The following GAS2 variants were observed in gnomAD, a reference collection of about 807,000 sequenced individuals.
GAS2 encodes the protein growth arrest-specific protein 2.
In GAS2, 20 loss-of-function variants were observed where a neutral mutation model predicts 37.5. The observed-to-expected ratio is 0.53, with a 90% CI of 0.37 to 0.77. GAS2 has a LOEUF of 0.77. Among genes scored for constraint, GAS2 ranks in the 30% least tolerant of loss-of-function variants. The pLI, the probability that GAS2 is intolerant of heterozygous loss-of-function variation, is 0.00. For synonymous variants in GAS2, 144 were observed against 132.2 expected, an observed-to-expected ratio of 1.09 and a Z score of -0.61; for missense variants, 336 against 373.4, an observed-to-expected ratio of 0.90 and a Z score of 0.82.
chr11:22,698,411 T>A (rs1469292077), intron 3 of GAS2, among the ~76,000 whole-genome samples: 2 of 151,894 alleles, frequency 1.3e-5, no homozygotes, highest in African/African-American at 4.8e-5. Context: ...CAGGACCAGA[T>A]GGATTCACAG....
chr11:22,691,542 C>T (rs901161284), intron 3 of GAS2, among the ~76,000 whole-genome samples: 1 of 152,126 alleles, frequency 6.6e-6, no homozygotes, highest in African/African-American at 2.4e-5. Flanking sequence ...TGTGATTAAT[C>T]TGGAGTCATT....
intron 7 of GAS2, among the ~76,000 whole-genome samples, chr11:22,771,003 TG>T (rs1274577461): frequency 3.9e-5 from 6 of 152,138 alleles, no homozygotes; most frequent in Non-Finnish European, 8.8e-5. Context: ...AGATAATTAG[TG>T]GGCAAATCTC....
chr11:22,634,781 G>A (rs1035775501), intron 1 of GAS2, among the ~76,000 whole-genome samples: 3 of 152,102 alleles, frequency 2.0e-5, no homozygotes, highest in East Asian at 1.9e-4. Context: ...GTTCTGATGG[G>A]GGTGGCAGGG....
At chr11:22,707,080 G>A (rs1367058199) in intron 3 of GAS2, among the ~76,000 whole-genome samples, 2 of 152,136 alleles carry the variant, frequency 1.3e-5, no homozygotes, top group African/African-American at 4.8e-5. Flanking sequence ...TTTCTCTGAT[G>A]GTTTTGAGAT....
At chr11:22,733,602 G>A (rs989464018) in intron 4 of GAS2, among the ~76,000 whole-genome samples, 1 of 151,552 alleles carries the variant, frequency 6.6e-6, no homozygotes, top group Admixed American at 6.6e-5. Context: ...TTGCTTTAGT[G>A]GAAAGCCTCA....
chr11:22,691,399 A>G (rs1043911418), intron 3 of GAS2, among the ~76,000 whole-genome samples: 4 of 152,214 alleles, frequency 2.6e-5, no homozygotes, highest in Non-Finnish European at 5.9e-5. Flanking sequence ...CTTTTTGTTT[A>G]GAGAACATCT....
At chr11:22,785,097 G>A (rs763651546) in intron 7 of GAS2, among the ~76,000 whole-genome samples, 1 of 152,230 alleles carries the variant, frequency 6.6e-6, no homozygotes, top group Admixed American at 6.5e-5. Context: ...GCCAAGAACA[G>A]CTTGCTTGGT....
chr11:22,771,655 C>G (rs1246003587), intron 7 of GAS2, among the ~76,000 whole-genome samples: 4 of 152,130 alleles, frequency 2.6e-5, no homozygotes, highest in African/African-American at 9.7e-5. Context: ...TTACTTAAGT[C>G]TTGTCTGTTA....
At chr11:22,799,452 ATTTGTTTCTTCTCT>A (rs1217509320) in intron 7 of GAS2, among the ~76,000 whole-genome samples, 3 of 152,018 alleles carry the variant, frequency 2.0e-5, no homozygotes, top group Non-Finnish European at 4.4e-5. Context: ...CTGTCATGAT[ATTTGTTTCTTCTCT>A]TTTTGCTTCC....
intron 3 of GAS2, among the ~76,000 whole-genome samples, chr11:22,697,156 A>G (rs1165868464): frequency 1.3e-5 from 2 of 152,214 alleles, no homozygotes; most frequent in Non-Finnish European, 2.9e-5. Context: ...TTAGCTTTCT[A>G]CATATGGCTA....
intron 7 of GAS2, among the ~76,000 whole-genome samples, chr11:22,777,172 G>A (rs942619065): frequency 1.3e-5 from 2 of 152,174 alleles, no homozygotes; most frequent in Admixed American, 6.5e-5. Context: ...TACTGTAGTT[G>A]TTGTTAAATC....
intron 1 of GAS2, among the ~76,000 whole-genome samples, chr11:22,657,285 A>G (rs2133841110): frequency 6.6e-6 from 1 of 152,286 alleles, no homozygotes; most frequent in Non-Finnish European, 1.5e-5. Flanking sequence ...GGACAGGGTA[A>G]CAGCAAGCTG....
At chr11:22,699,470 CAT>C (rs548597106) in intron 3 of GAS2, among the ~76,000 whole-genome samples, 48 of 152,042 alleles carry the variant, frequency 3.2e-4, no homozygotes, top group Non-Finnish European at 6.5e-4. Flanking sequence ...AGAAAAAAGA[CAT>C]GTGAAGGAAA....
intron 7 of GAS2, among the ~76,000 whole-genome samples, chr11:22,804,877 AT>A (rs1424182680): frequency 7.9e-5 from 12 of 152,120 alleles, no homozygotes; most frequent in African/African-American, 2.9e-4. Context: ...CTTAATTGCA[AT>A]TGGCCTGATG....
chr11:22,651,839 T>A (rs1848780379), intron 1 of GAS2, among the ~76,000 whole-genome samples: 1 of 152,170 alleles, frequency 6.6e-6, no homozygotes, highest in Admixed American at 6.5e-5. Context: ...TTTCAAAGTT[T>A]TCAACTTCTT....
At chr11:22,701,086 C>G (rs1021561214) in intron 3 of GAS2, among the ~76,000 whole-genome samples, 1 of 152,070 alleles carries the variant, frequency 6.6e-6, no homozygotes, top group Non-Finnish European at 1.5e-5. Flanking sequence ...TGTAAAAATA[C>G]AATTTCTATA....
chr11:22,737,431 G>C (rs1818145373), intron 4 of GAS2, among the ~76,000 whole-genome samples: 1 of 152,136 alleles, frequency 6.6e-6, no homozygotes, highest in African/African-American at 2.4e-5. Flanking sequence ...AACATTTTTA[G>C]GGTGAGATTT....
At chr11:22,774,309 T>G (rs1855141613) in intron 7 of GAS2, among the ~76,000 whole-genome samples, 1 of 152,232 alleles carries the variant, frequency 6.6e-6, no homozygotes, top group Admixed American at 6.5e-5. Context: ...TGCAATTTTA[T>G]GTTCAGTGAT....
upstream of GAS2, among the ~76,000 whole-genome samples, chr11:22,662,336 A>G (rs1848925020): frequency 6.6e-6 from 1 of 152,220 alleles, no homozygotes; most frequent in Non-Finnish European, 1.5e-5. Context: ...TTATTTTAAC[A>G]TTGCTTTTCT....
Sources: gnomAD v4.1 joint callset for allele counts (sites outside exome capture counted in the v4.1 genomes callset) on GRCh38, gnomAD v4.1.1 for gene constraint, MANE v1.5 for transcripts, NCBI Gene and HGNC (gene_info 2026-07-23, HGNC 2026-07-21) for gene names.